Variants in SFMBT2 observed in about 807,000 individuals in gnomAD.
SFMBT2 encodes scm-like with four MBT domains protein 2.
SFMBT2 carries 38 observed loss-of-function variants against 110.1 expected under a neutral mutation model. The observed-to-expected ratio is 0.35, with a 90% CI of 0.27 to 0.45. The LOEUF is 0.45. Among genes scored for constraint, SFMBT2 ranks in the 20% least tolerant of loss-of-function variants. The pLI is 1.00. For missense variants in SFMBT2, 1,011 were observed against 1,094.9 expected (o/e 0.92, Z 1.08); for synonymous variants, 425 against 425.4 (o/e 1.00, Z 0.01).
Position 7,389,557 on chromosome 10 carries a change from C to CT in SFMBT2, c.-51-7609dup, listed in dbSNP as rs139144881. On this transcript the variant is annotated intron_variant, in intron 1 of 20. Coordinates refer to ENST00000397167, the MANE Select transcript of SFMBT2 (RefSeq NM_001387889.1). ...GTGGTTTTGTACAAAGTTAACTCTA[C>CT]TATAATAGGCTCCTTTTGTCTCTGT... Among the ~76,000 whole-genome samples the CT allele has an allele frequency of 1.1e-3, 164 of 152,302 alleles. 1 individual carries two copies. The highest frequency in any genetic ancestry group is 3.4e-3 in the African/African-American group (141 of 41,568).
At chr10:7,329,850 G>A (rs921190752) in intron 4 of SFMBT2, among the ~76,000 whole-genome samples, 8 of 152,332 alleles carry the variant, frequency 5.3e-5, no homozygotes, top group Admixed American at 2.0e-4. Context: ...GAAGTCACCC[G>A]AGGTCACTCG....
chr10:7,295,244 C>T (rs1842372928), intron 4 of SFMBT2: 1 of 152,218 alleles, frequency 6.6e-6, no homozygotes, highest in Non-Finnish European at 1.5e-5. Flanking sequence ...CTGCAACCCC[C>T]AGAAATACGA....
chr10:7,169,533 AC>A (rs1837807813), intron 20 of SFMBT2, among the ~76,000 whole-genome samples: 1 of 152,192 alleles, frequency 6.6e-6, no homozygotes, highest in Non-Finnish European at 1.5e-5. Flanking sequence ...CTCTTTCTAG[AC>A]TACTGATTTA....
chr10:7,222,480 C>A (rs892572716), intron 10 of SFMBT2, among the ~76,000 whole-genome samples: 3 of 152,154 alleles, frequency 2.0e-5, no homozygotes, highest in African/African-American at 7.2e-5. Flanking sequence ...GGTCTCTCTC[C>A]TTGACTTGTG....
Position 7,197,575 on chromosome 10 carries a change from C to T in SFMBT2, c.1671G>A (p.Pro557=), listed in dbSNP as rs200717836. Residue 557 remains proline (P), a synonymous_variant, in exon 15 of 21, where the codon CCG becomes CCA. Transcript: ENST00000397167. ...RIAELPQSVG[P]GKCVLVLKEV... ...CTTTAAGAACCAGCACGCATTTGCC[C>T]GGTCCCACCGACTGAGGTAGCTCTG... 2.2e-5 allele frequency: 36 copies of T among 1,614,124 alleles called. No homozygotes were observed. Among genetic ancestry groups the T allele is most frequent in the African/African-American group, 5.3e-5 (4 of 75,028 alleles).
chr10:7,315,414 C>T lies in SFMBT2; in HGVS notation c.437-29460G>A, dbSNP rs529538431. Among the ~76,000 whole-genome samples, 7 of 152,314 alleles carry T rather than the reference C, an allele frequency of 4.6e-5. No individual in the cohort carries two copies. In the East Asian group the frequency reaches 1.2e-3, roughly 25 times the overall value. On this transcript the variant is annotated intron_variant, in intron 4 of 20. Transcript: ENST00000397167. ...CCTCACTGCCTTTGGGGGATGATGG[C>T]TTTTTCCCACCTTCCAACTCTATCT...
At chr10:7,276,453 CAG>C (rs1454664097) in intron 7 of SFMBT2, among the ~76,000 whole-genome samples, 4 of 151,966 alleles carry the variant, frequency 2.6e-5, no homozygotes, top group Non-Finnish European at 5.9e-5. Flanking sequence ...CAACATGAAA[CAG>C]ATAAAACCTT....
chr10:7,364,424 G>A (rs534467283), intron 4 of SFMBT2, among the ~76,000 whole-genome samples: 1 of 152,302 alleles, frequency 6.6e-6, no homozygotes, highest in East Asian at 1.9e-4. Context: ...TGGTGTTTCT[G>A]AGAGTGTGTG....
At chr10:7,179,026 CT>C (rs199879811) in intron 16 of SFMBT2, among the ~76,000 whole-genome samples, 13 of 149,388 alleles carry the variant, frequency 8.7e-5, no homozygotes, top group East Asian at 2.0e-4. Context: ...ACTAATAAAT[CT>C]TTTTTTTTTA....
intron 1 of SFMBT2, among the ~76,000 whole-genome samples, chr10:7,407,903 A>G (rs1846261004): frequency 6.6e-6 from 1 of 152,072 alleles, no homozygotes; most frequent in Non-Finnish European, 1.5e-5. Flanking sequence ...AGCCCCAGCT[A>G]CTGGTGCGCC....
intron 4 of SFMBT2, among the ~76,000 whole-genome samples, chr10:7,319,616 TACAGGA>T (rs2131928043): frequency 6.6e-6 from 1 of 152,222 alleles, no homozygotes; most frequent in East Asian, 1.9e-4. Flanking sequence ...GCATGTAAGC[TACAGGA>T]ATTAAACTAG....
At chr10:7,276,869 A>G (rs1286203956) in intron 7 of SFMBT2, 23 bp downstream of exon 7, 3 of 856,546 alleles carry the variant, frequency 3.5e-6, no homozygotes, top group East Asian at 2.4e-5. Context: ...GGGTAGATAC[A>G]TTGCTAAGAA....
intron 10 of SFMBT2, among the ~76,000 whole-genome samples, chr10:7,227,304 G>T (rs1221410843): frequency 1.3e-5 from 2 of 152,188 alleles, no homozygotes; most frequent in African/African-American, 4.8e-5. Flanking sequence ...TCCTCTAACA[G>T]GGGAACAGAT....
intron 7 of SFMBT2, among the ~76,000 whole-genome samples, chr10:7,261,790 T>C (rs971732679): frequency 7.2e-5 from 11 of 152,242 alleles, no homozygotes; most frequent in African/African-American, 1.9e-4. Context: ...CGTGCTGGCC[T>C]TTCTGGTTAT....
chr10:7,223,984 A>C (rs1484882225), intron 10 of SFMBT2, among the ~76,000 whole-genome samples: 15 of 151,972 alleles, frequency 9.9e-5, no homozygotes, highest in Non-Finnish European at 1.8e-4. Context: ...TCATTCCAAC[A>C]CCTGGGTCAT....
intron 10 of SFMBT2, among the ~76,000 whole-genome samples, chr10:7,225,899 A>C (rs1043970327): frequency 5.9e-5 from 9 of 151,576 alleles, no homozygotes; most frequent in Non-Finnish European, 8.8e-5. Flanking sequence ...CAATGAAAGC[A>C]GACAAGCCAG....
chr10:7,350,612 G>A (rs1365738098), intron 4 of SFMBT2, among the ~76,000 whole-genome samples: 2 of 152,214 alleles, frequency 1.3e-5, no homozygotes, highest in African/African-American at 4.8e-5. Context: ...CAGGCTCACT[G>A]TGTTGGTTTA....
At chr10:7,366,465 C>T (rs945902208) in intron 4 of SFMBT2, among the ~76,000 whole-genome samples, 5 of 151,476 alleles carry the variant, frequency 3.3e-5, no homozygotes, top group Non-Finnish European at 7.4e-5. Context: ...GCTCCGATAC[C>T]GTGAAAGGCT....
intron 4 of SFMBT2, among the ~76,000 whole-genome samples, chr10:7,318,837 C>T (rs995301958): frequency 5.8e-4 from 88 of 152,304 alleles, no homozygotes; most frequent in African/African-American, 2.0e-3. Context: ...TTTATTTGTA[C>T]ACAATTCCTC....
Sources: gnomAD v4.1 joint callset for allele counts (sites outside exome capture counted in the v4.1 genomes callset) on GRCh38, gnomAD v4.1.1 for gene constraint, MANE v1.5 for transcripts, NCBI Gene and HGNC (gene_info 2026-07-23, HGNC 2026-07-21) for gene names.